Variants in STXBP6 observed in about 807,000 individuals in gnomAD.
STXBP6 encodes the protein syntaxin binding protein 6.
STXBP6 carries 21 observed loss-of-function variants against 26.9 expected under a neutral mutation model. The ratio of observed to expected loss-of-function variants is 0.78; its 90% CI spans 0.55 to 1.12. The LOEUF (loss-of-function observed/expected upper bound fraction) is 1.12, where lower values mean the gene tolerates loss of function less well. Ranked by LOEUF, STXBP6 falls within the 50% of genes most tolerant of loss-of-function variation. The pLI is 0.00. For missense variants in STXBP6, 232 were observed against 257.9 expected, an observed-to-expected ratio of 0.90 and a Z score of 0.69; for synonymous variants, 97 against 92.6, an observed-to-expected ratio of 1.05 and a Z score of -0.27.
chr14:24,832,741 C>G (rs2068492668), intron 4 of STXBP6, among the ~76,000 whole-genome samples: 1 of 152,122 alleles, frequency 6.6e-6, no homozygotes, highest in African/African-American at 2.4e-5. Context: ...TAAACAAAAA[C>G]ATTTTCAATT....
chr14:24,919,799 T>C (rs2071916130), intron 2 of STXBP6, among the ~76,000 whole-genome samples: 1 of 151,984 alleles, frequency 6.6e-6, no homozygotes, highest in South Asian at 2.1e-4. Context: ...TACTTAAGGA[T>C]GGTGTGGGTG....
chr14:24,810,229 TG>T lies in STXBP6; in HGVS notation c.*2479del, dbSNP rs1409957005. 1 of 152,188 alleles carries T rather than the reference TG, an allele frequency of 6.6e-6. No individual in the cohort carries two copies. The highest frequency in any genetic ancestry group is 1.5e-5 in the Non-Finnish European group (1 of 68,036). The allele number at this position is 152,188 out of a possible 1,614,324, so 9.4% of individuals were successfully genotyped here. A position where few individuals can be genotyped will look rare whatever the true frequency, so the allele number is the denominator to read the frequency against. On this transcript the variant is annotated 3_prime_UTR_variant, in exon 6 of 6. Coordinates refer to ENST00000323944, the MANE Select transcript of STXBP6 (RefSeq NM_001394410.1). ...TAGAGAAGTGCAGAAATGAAACAAA[TG>T]AAATGTCTTCTGACAAGCTCAACCA...
intron 2 of STXBP6, among the ~76,000 whole-genome samples, chr14:24,956,333 C>G (rs2073345225): frequency 6.6e-6 from 1 of 152,102 alleles, no homozygotes; most frequent in African/African-American, 2.4e-5. Context: ...GACAGGTGCT[C>G]AGGGACATGT....
intron 2 of STXBP6, among the ~76,000 whole-genome samples, chr14:24,951,915 C>T (rs981881957): frequency 4.0e-5 from 6 of 151,648 alleles, no homozygotes; most frequent in Non-Finnish European, 8.8e-5. Context: ...AATATAAATA[C>T]ACATCAGGCA....
intron 5 of STXBP6, among the ~76,000 whole-genome samples, chr14:24,815,092 G>A (rs1490787714): frequency 6.6e-6 from 1 of 152,158 alleles, no homozygotes; most frequent in Non-Finnish European, 1.5e-5. Context: ...AGGCAGGGAG[G>A]TAGAGCAGAA....
chr14:24,849,230 A>G (rs1326899309), intron 4 of STXBP6, among the ~76,000 whole-genome samples: 1 of 152,164 alleles, frequency 6.6e-6, no homozygotes, highest in Admixed American at 6.5e-5. Context: ...GTCTTAAATG[A>G]AATATCATGC....
intron 1 of STXBP6, among the ~76,000 whole-genome samples, chr14:24,997,929 A>G (rs1057049209): frequency 6.6e-6 from 1 of 152,180 alleles, no homozygotes; most frequent in Non-Finnish European, 1.5e-5. Context: ...CTTTATACAA[A>G]TATGTCATAT....
Position 24,812,580 on chromosome 14 carries a change from A to C in STXBP6, c.*129T>G. 1 of 862,024 alleles carries C rather than the reference A, an allele frequency of 1.2e-6. No homozygotes were observed. Among genetic ancestry groups the C allele is most frequent in the Middle Eastern group, 2.8e-4 (1 of 3,562 alleles). 53.4% of individuals were successfully genotyped at this position (862,024 alleles called of 1,614,324 possible). Reference sequence around the variant, plus strand: ...TTTCACATTAACATCTGAAAAGAAAAAACAAAAACCACTCTAAGTGTCCAA... The same window carrying C: ...TTTCACATTAACATCTGAAAAGAAACAACAAAAACCACTCTAAGTGTCCAA... On this transcript the variant is annotated 3_prime_UTR_variant, in exon 6 of 6. Transcript: ENST00000323944.
chr14:24,891,262 C>CA (rs1442700794), intron 2 of STXBP6, among the ~76,000 whole-genome samples: 2 of 152,044 alleles, frequency 1.3e-5, no homozygotes, highest in Non-Finnish European at 2.9e-5. Context: ...CCTTTTTAGA[C>CA]AAAAAGTGCC....
intron 2 of STXBP6, among the ~76,000 whole-genome samples, chr14:24,866,307 A>G (rs1053673821): frequency 1.1e-4 from 16 of 152,136 alleles, no homozygotes; most frequent in African/African-American, 3.9e-4. Context: ...CCCAGTCTCC[A>G]TGATCATGTG....
intron 2 of STXBP6, among the ~76,000 whole-genome samples, chr14:24,893,940 A>C (rs2070881886): frequency 6.6e-6 from 1 of 152,230 alleles, no homozygotes; most frequent in Non-Finnish European, 1.5e-5. Context: ...ATAATTAAAT[A>C]TAAATAAGAA....
chr14:24,944,277 TAGGAAAGCAGCA>T (rs573657660), intron 2 of STXBP6, among the ~76,000 whole-genome samples: 5 of 152,292 alleles, frequency 3.3e-5, no homozygotes, highest in African/African-American at 1.2e-4. Context: ...GCTGACCACC[TAGGAAAGCAGCA>T]AGCTGGGCAG....
Position 24,811,032 on chromosome 14 carries a change from C to CA in STXBP6, c.*1676dup, listed in dbSNP as rs1237564017. The CA allele has an allele frequency of 6.6e-6, 1 of 151,818 alleles. No homozygotes were observed. Among genetic ancestry groups the CA allele is most frequent in the Non-Finnish European group, 1.5e-5 (1 of 67,956 alleles). The allele number at this position is 151,818 out of a possible 1,614,324, so 9.4% of individuals were successfully genotyped here. A position where few individuals can be genotyped will look rare whatever the true frequency, so the allele number is the denominator to read the frequency against. ...TCGCTTCTTTAAATTTTTAAGACAC[C>CA]AAAAAGAAAGTATAAAATATTATAG... On this transcript the variant is annotated 3_prime_UTR_variant, in exon 6 of 6. Coordinates refer to ENST00000323944, the MANE Select transcript of STXBP6 (RefSeq NM_001394410.1).
At chr14:24,872,623 T>C (rs1165073780) in intron 2 of STXBP6, among the ~76,000 whole-genome samples, 3 of 152,328 alleles carry the variant, frequency 2.0e-5, no homozygotes, top group African/African-American at 7.2e-5. Flanking sequence ...CTCTCTCCTA[T>C]ATGTCTCTGC....
At chr14:25,001,141 T>C (rs573022569) in intron 1 of STXBP6, among the ~76,000 whole-genome samples, 2 of 152,258 alleles carry the variant, frequency 1.3e-5, no homozygotes, top group South Asian at 4.1e-4. Flanking sequence ...ACAACAAATA[T>C]TTGAATGTCT....
Position 25,049,702 on chromosome 14 carries a change from C to T in STXBP6, c.-33+176G>A. 1 of 985,718 alleles carries T rather than the reference C, an allele frequency of 1.0e-6. No individual in the cohort carries two copies. The highest frequency in any genetic ancestry group is 1.2e-6 in the Non-Finnish European group (1 of 830,202). The allele number at this position is 985,718 out of a possible 1,614,324, so 61.1% of individuals were successfully genotyped here. A position where few individuals can be genotyped will look rare whatever the true frequency, so the allele number is the denominator to read the frequency against. On this transcript the variant is annotated intron_variant, in intron 1 of 5. Transcript: ENST00000323944. This position sits in a 1 kb window ranked among gnomAD's most constrained non-coding sequence, Gnocchi z 5.6. ...GCTGCGCCGGGGCGCGCGGCCCCCT[C>T]TCCCGCCACCCGCCAACTTGGAAGA...
intron 1 of STXBP6, among the ~76,000 whole-genome samples, chr14:24,987,629 T>C (rs2074365890): frequency 6.6e-6 from 1 of 152,260 alleles, no homozygotes; most frequent in Non-Finnish European, 1.5e-5. Flanking sequence ...TGATTGTCTC[T>C]ACTGACACAT....
chr14:24,865,408 G>C lies in STXBP6; in HGVS notation c.155-8251C>G, dbSNP rs538732519. Among the ~76,000 whole-genome samples, 11 of 152,238 alleles carry C rather than the reference G, an allele frequency of 7.2e-5. 1 individual carries two copies. The South Asian group carries it at 2.3e-3, about 32-fold the overall frequency. On this transcript the variant is annotated intron_variant, in intron 2 of 5. Coordinates refer to ENST00000323944, the MANE Select transcript of STXBP6 (RefSeq NM_001394410.1). ...GCAGATTCCCTGAGTTGAAGCGAGT[G>C]CTGAGAACCCAGGGATACCAAGATG...
At chr14:25,000,132 G>A (rs1462831396) in intron 1 of STXBP6, among the ~76,000 whole-genome samples, 1 of 151,226 alleles carries the variant, frequency 6.6e-6, no homozygotes, top group Non-Finnish European at 1.5e-5. Context: ...GCAGGATCTC[G>A]GCTCACTGCA....
Sources: allele counts gnomAD v4.1 joint callset (sites outside exome capture counted in the v4.1 genomes callset), GRCh38; gene constraint gnomAD v4.1.1; non-coding constraint Gnocchi (gnomAD v3.1); transcripts MANE v1.5; gene names NCBI Gene and HGNC (gene_info 2026-07-23, HGNC 2026-07-21).